Variants in CNTNAP2 observed in about 807,000 individuals in gnomAD.
CNTNAP2 encodes contactin-associated protein-like 2.
A neutral mutation model predicts 155.2 loss-of-function variants in CNTNAP2; 98 were observed. The observed-to-expected ratio is 0.63, with a 90% CI of 0.54 to 0.75. CNTNAP2 has a LOEUF of 0.75. Among genes scored for constraint, CNTNAP2 ranks in the 30% least tolerant of loss-of-function variants. The probability of loss-of-function intolerance (pLI) is 0.00; values close to 1 mark genes in which losing one functional copy is unlikely to be tolerated. For missense variants in CNTNAP2, 1,727 were observed against 1,688.1 expected (o/e 1.02, Z -0.40); for synonymous variants, 651 against 631.2 (o/e 1.03, Z -0.47).
chr7:146,565,220 A>G (rs1798339284), intron 1 of CNTNAP2, among the ~76,000 whole-genome samples: 1 of 152,114 alleles, frequency 6.6e-6, no homozygotes, highest in Non-Finnish European at 1.5e-5. Flanking sequence ...AGCTTATACA[A>G]GGAAAATCTT....
chr7:148,022,162 T>A (rs1328355718), intron 15 of CNTNAP2, among the ~76,000 whole-genome samples: 2 of 148,390 alleles, frequency 1.3e-5, no homozygotes, highest in African/African-American at 5.0e-5. Context: ...AAATCAAGGC[T>A]TTTTGATGAC....
At chr7:147,844,663 G>A (rs1377375051) in intron 13 of CNTNAP2, among the ~76,000 whole-genome samples, 1 of 60,456 alleles carries the variant, frequency 1.7e-5, no homozygotes, top group Admixed American at 2.5e-4. Flanking sequence ...GGGCATCCCT[G>A]TCTTGTGCCA....
chr7:147,276,829 A>C (rs929764356), intron 8 of CNTNAP2, among the ~76,000 whole-genome samples: 5 of 149,428 alleles, frequency 3.3e-5, no homozygotes, highest in Non-Finnish European at 7.5e-5. Flanking sequence ...CGTTCAATTG[A>C]CAAAAAAAAA....
chr7:146,905,208 G>A (rs1209400448), intron 3 of CNTNAP2, among the ~76,000 whole-genome samples: 1 of 151,912 alleles, frequency 6.6e-6, no homozygotes, highest in Non-Finnish European at 1.5e-5. Flanking sequence ...TCGGGAGGGG[G>A]AAATTGCCTC....
chr7:146,221,454 C>A (rs994015427), intron 1 of CNTNAP2, among the ~76,000 whole-genome samples: 3 of 152,108 alleles, frequency 2.0e-5, no homozygotes, highest in Non-Finnish European at 2.9e-5. Context: ...GAAGGATATA[C>A]ATATCCACTG....
chr7:147,415,563 C>T (rs1255104586), intron 10 of CNTNAP2, among the ~76,000 whole-genome samples: 2 of 152,178 alleles, frequency 1.3e-5, no homozygotes, highest in African/African-American at 4.8e-5. Context: ...TCACCTTCGG[C>T]CATGATTGTG....
At chr7:146,589,248 A>G (rs544860739) in intron 1 of CNTNAP2, among the ~76,000 whole-genome samples, 1 of 152,192 alleles carries the variant, frequency 6.6e-6, no homozygotes, top group Non-Finnish European at 1.5e-5. Flanking sequence ...AAAACAAGGT[A>G]TACTAAAACA....
chr7:148,089,552 A>C (rs545614634), intron 15 of CNTNAP2, among the ~76,000 whole-genome samples: 1 of 151,936 alleles, frequency 6.6e-6, no homozygotes, highest in African/African-American at 2.4e-5. Context: ...TTCATTTACA[A>C]TACTAAAAAA....
chr7:147,018,402 G>C (rs1198468402), intron 3 of CNTNAP2, among the ~76,000 whole-genome samples: 1 of 152,044 alleles, frequency 6.6e-6, no homozygotes, highest in Non-Finnish European at 1.5e-5. Flanking sequence ...GTCCATGTCT[G>C]TTATTTGATT....
chr7:146,682,891 C>A (rs1800529788), intron 1 of CNTNAP2, among the ~76,000 whole-genome samples: 1 of 152,056 alleles, frequency 6.6e-6, no homozygotes, highest in African/African-American at 2.4e-5. Context: ...TTGTTTCATC[C>A]TGGTAGTAAT....
intron 3 of CNTNAP2, among the ~76,000 whole-genome samples, chr7:146,908,197 T>A (rs1377548885): frequency 2.0e-5 from 3 of 152,088 alleles, no homozygotes; most frequent in Non-Finnish European, 4.4e-5. Context: ...CAAACATTAA[T>A]AATGGGAGAC....
chr7:148,300,223 C>A (rs771484871), intron 21 of CNTNAP2, among the ~76,000 whole-genome samples: 8 of 152,198 alleles, frequency 5.3e-5, no homozygotes, highest in Non-Finnish European at 1.0e-4. Flanking sequence ...CTTATGGTTT[C>A]ATGATAGGCC....
intron 14 of CNTNAP2, among the ~76,000 whole-genome samples, chr7:147,970,829 G>C (rs1386490179): frequency 6.6e-6 from 1 of 152,184 alleles, no homozygotes; most frequent in Non-Finnish European, 1.5e-5. Flanking sequence ...GTTTGGAAAA[G>C]TGACAGATGT....
At chr7:147,719,234 A>G (rs1176792300) in intron 13 of CNTNAP2, among the ~76,000 whole-genome samples, 2 of 152,050 alleles carry the variant, frequency 1.3e-5, no homozygotes, top group Non-Finnish European at 2.9e-5. Flanking sequence ...TGCCCCACCC[A>G]CAGATCTCTA....
intron 10 of CNTNAP2, among the ~76,000 whole-genome samples, chr7:147,438,505 G>A (rs1215359841): frequency 6.6e-6 from 1 of 151,496 alleles, no homozygotes; most frequent in African/African-American, 2.4e-5. Flanking sequence ...TATTATTCAG[G>A]ATTTTTGCAT....
intron 13 of CNTNAP2, among the ~76,000 whole-genome samples, chr7:147,720,378 G>A (rs1008806779): frequency 1.3e-5 from 2 of 152,066 alleles, no homozygotes; most frequent in Non-Finnish European, 2.9e-5. Context: ...CTTTCTTTCT[G>A]TTGTGTTGAG....
chr7:147,272,205 T>A (rs2116706651), intron 8 of CNTNAP2, among the ~76,000 whole-genome samples: 1 of 152,228 alleles, frequency 6.6e-6, no homozygotes, highest in African/African-American at 2.4e-5. Context: ...TAATATGAAA[T>A]TAGATTGCTC....
At chr7:146,615,891 T>C (rs1404649202) in intron 1 of CNTNAP2, among the ~76,000 whole-genome samples, 1 of 152,214 alleles carries the variant, frequency 6.6e-6, no homozygotes, top group Admixed American at 6.5e-5. Context: ...CTTGTCCCCT[T>C]GGGATCATAC....
chr7:148,232,294 G>C (rs1795977565), intron 20 of CNTNAP2, among the ~76,000 whole-genome samples: 1 of 152,242 alleles, frequency 6.6e-6, no homozygotes, highest in Non-Finnish European at 1.5e-5. Flanking sequence ...AGGCCTTGCA[G>C]ACGTGGAAGT....
Sources: gnomAD v4.1 joint callset for allele counts (sites outside exome capture counted in the v4.1 genomes callset) on GRCh38, gnomAD v4.1.1 for gene constraint, MANE v1.5 for transcripts, NCBI Gene and HGNC (gene_info 2026-07-23, HGNC 2026-07-21) for gene names.